EYS: variants seen among roughly 807,000 people sequenced by gnomAD.
The protein encoded by EYS is protein eyes shut homolog.
EYS carries 250 observed loss-of-function variants against 282.1 expected under a neutral mutation model. The observed-to-expected ratio is 0.89, with a 90% CI of 0.80 to 0.98. The LOEUF (loss-of-function observed/expected upper bound fraction) is 0.98. EYS is among the 50% of genes least tolerant of loss of function. The probability of loss-of-function intolerance (pLI) is 0.00; values close to 1 mark genes in which losing one functional copy is unlikely to be tolerated. For missense variants in EYS, 4,016 were observed against 3,709.0 expected, an observed-to-expected ratio of 1.08 and a Z score of -2.15; for synonymous variants, 1,355 against 1,282.9, an observed-to-expected ratio of 1.06 and a Z score of -1.20.
intron 22 of EYS, among the ~76,000 whole-genome samples, chr6:64,720,153 C>A (rs1771529119): frequency 6.6e-6 from 1 of 152,184 alleles, no homozygotes; most frequent in Non-Finnish European, 1.5e-5. Flanking sequence ...TACTTCCTCA[C>A]CTTTTCCAGC....
At chr6:65,121,538 T>C (rs1458715968) in intron 12 of EYS, among the ~76,000 whole-genome samples, 1 of 152,160 alleles carries the variant, frequency 6.6e-6, no homozygotes, top group East Asian at 1.9e-4. Context: ...ATGTCAATCC[T>C]ATCAGGACAT....
chr6:64,644,371 G>T (rs529277939), intron 22 of EYS, among the ~76,000 whole-genome samples: 1 of 152,056 alleles, frequency 6.6e-6, no homozygotes, highest in Non-Finnish European at 1.5e-5. Context: ...GTCATCTTAG[G>T]ATTTAAAAGA....
At chr6:65,357,166 A>C (rs990029657) in intron 8 of EYS, among the ~76,000 whole-genome samples, 1 of 152,112 alleles carries the variant, frequency 6.6e-6, no homozygotes. Context: ...TAGAGGTTCA[A>C]CAGAAAAGCC....
At chr6:64,349,787 C>A (rs1771551589) in intron 29 of EYS, among the ~76,000 whole-genome samples, 1 of 151,458 alleles carries the variant, frequency 6.6e-6, no homozygotes, top group Non-Finnish European at 1.5e-5. Flanking sequence ...TATTCAATAA[C>A]AATATTTATT....
At chr6:64,446,623 A>AT (rs1304826698) in intron 26 of EYS, among the ~76,000 whole-genome samples, 1 of 151,918 alleles carries the variant, frequency 6.6e-6, no homozygotes, top group African/African-American at 2.4e-5. Context: ...AAAATCAAGT[A>AT]TTTTTTATAG....
In EYS at chr6:64,883,183, G is replaced by A. The variant is rs545402864; in HGVS notation, c.2992+3514C>T. Among the ~76,000 whole-genome samples the A allele has an allele frequency of 6.5e-4, 99 of 151,438 alleles. No individual in the cohort carries two copies. The South Asian group carries it at 0.019, about 30-fold the overall frequency. On this transcript the variant is annotated intron_variant, in intron 19 of 42. Transcript: ENST00000503581. ...TTGTTTTACTTCTTATGTAGATTGGGCATTTGGCAAAAAATGTATTCAGAA... is the reference window on the plus strand; with the variant it reads ...TTGTTTTACTTCTTATGTAGATTGGACATTTGGCAAAAAATGTATTCAGAA...
At chr6:64,315,428 C>A (rs1459050658) in intron 29 of EYS, among the ~76,000 whole-genome samples, 2 of 151,996 alleles carry the variant, frequency 1.3e-5, no homozygotes, top group African/African-American at 4.8e-5. Flanking sequence ...AGGACAGTAT[C>A]ATCCTGATAC....
chr6:65,355,732 C>G (rs1159168703), intron 8 of EYS, among the ~76,000 whole-genome samples: 1 of 152,002 alleles, frequency 6.6e-6, no homozygotes, highest in Non-Finnish European at 1.5e-5. Flanking sequence ...GAAAAATGCT[C>G]AACATCACCA....
chr6:65,439,683 T>G (rs760472857), intron 5 of EYS, among the ~76,000 whole-genome samples: 37 of 152,188 alleles, frequency 2.4e-4, no homozygotes, highest in Non-Finnish European at 5.0e-4. Flanking sequence ...TGCTTATGAC[T>G]TTTGCACATT....
intron 5 of EYS, among the ~76,000 whole-genome samples, chr6:65,448,215 C>T (rs1359961124): frequency 1.3e-5 from 2 of 152,022 alleles, no homozygotes; most frequent in Non-Finnish European, 2.9e-5. Context: ...GTGCCTCCAT[C>T]AGGAATTGTA....
chr6:63,945,207 C>T (rs1765359881), intron 35 of EYS, among the ~76,000 whole-genome samples: 1 of 152,066 alleles, frequency 6.6e-6, no homozygotes, highest in African/African-American at 2.4e-5. Flanking sequence ...AAAAAACTTA[C>T]ATTCACGGTG....
intron 26 of EYS, among the ~76,000 whole-genome samples, chr6:64,468,400 A>AG: frequency 6.6e-6 from 1 of 152,266 alleles, no homozygotes; most frequent in East Asian, 1.9e-4. Flanking sequence ...AACAATTGCA[A>AG]GAAGTGACTG....
chr6:64,982,327 C>T (rs888725318), intron 14 of EYS, among the ~76,000 whole-genome samples: 3 of 151,224 alleles, frequency 2.0e-5, no homozygotes, highest in Non-Finnish European at 3.0e-5. Flanking sequence ...ATAGTGTATT[C>T]GTGAATCAAT....
chr6:64,450,370 T>G (rs1299873237), intron 26 of EYS, among the ~76,000 whole-genome samples: 3 of 151,984 alleles, frequency 2.0e-5, no homozygotes, highest in Non-Finnish European at 4.4e-5. Context: ...AGTCCTTAGT[T>G]ACCTACAAAG....
At chr6:64,070,394 A>G (rs1464999824) in intron 32 of EYS, among the ~76,000 whole-genome samples, 1 of 152,106 alleles carries the variant, frequency 6.6e-6, no homozygotes, top group Non-Finnish European at 1.5e-5. Context: ...TAATCAGAAA[A>G]TGTTAGAAAG....
intron 19 of EYS, among the ~76,000 whole-genome samples, chr6:64,845,697 A>G (rs1313149811): frequency 2.0e-5 from 3 of 151,988 alleles, no homozygotes; most frequent in Non-Finnish European, 4.4e-5. Context: ...CCTCTTTTTG[A>G]TGACTTACTT....
chr6:65,047,810 T>C (rs149526267), intron 13 of EYS, among the ~76,000 whole-genome samples: 1 of 151,840 alleles, frequency 6.6e-6, no homozygotes, highest in Admixed American at 6.6e-5. Flanking sequence ...AATGAGGTCT[T>C]TTCTGCCACC....
intron 2 of EYS, among the ~76,000 whole-genome samples, chr6:65,516,547 T>A (rs566871559): frequency 6.6e-6 from 1 of 151,990 alleles, no homozygotes; most frequent in African/African-American, 2.4e-5. Flanking sequence ...AATAGACAAA[T>A]AGATATTTCA....
chr6:64,440,979 C>T (rs1774924470), intron 26 of EYS, among the ~76,000 whole-genome samples: 2 of 152,088 alleles, frequency 1.3e-5, no homozygotes, highest in Admixed American at 1.3e-4. Context: ...CCTATCGGAA[C>T]ATGAATTCTG....
Sources: allele counts gnomAD v4.1 joint callset (sites outside exome capture counted in the v4.1 genomes callset), GRCh38; gene constraint gnomAD v4.1.1; transcripts MANE v1.5; gene names NCBI Gene and HGNC (gene_info 2026-07-23, HGNC 2026-07-21).